UBE4B: variants seen among roughly 807,000 people sequenced by gnomAD.
UBE4B encodes the protein ubiquitin conjugation factor E4 B.
UBE4B carries 27 observed loss-of-function variants against 148.1 expected under a neutral mutation model. The ratio of observed to expected loss-of-function variants is 0.18; its 90% confidence interval spans 0.13 to 0.25. The LOEUF (loss-of-function observed/expected upper bound fraction) is 0.25, where lower values mean the gene tolerates loss of function less well. Among genes scored for constraint, UBE4B ranks in the 10% least tolerant of loss-of-function variants. The pLI is 1.00. For missense variants in UBE4B, 1,170 were observed against 1,662.4 expected, an observed-to-expected ratio of 0.70 and a Z score of 5.15; for synonymous variants, 596 against 619.3, an observed-to-expected ratio of 0.96 and a Z score of 0.56.
Position 10,097,248 on chromosome 1 carries a change from TAC to T in UBE4B, c.347+1654_347+1655del, listed in dbSNP as rs778440955. ...GAAAAATATAAAAGATATTTAGAGA[TAC>T]AGAGGACAGAGTCCTTGGTTTCTCC... On this transcript the variant is annotated intron_variant, in intron 3 of 27. Transcript: ENST00000343090. Among the ~76,000 whole-genome samples, 52 of 151,942 alleles carry T rather than the reference TAC, an allele frequency of 3.4e-4. 1 individual carries two copies. In the East Asian group the frequency reaches 7.1e-3, roughly 21 times the overall value.
chr1:10,149,048 A>G (rs1053189531), intron 19 of UBE4B, 136 bp from the exon 20 acceptor site: 13 of 562,038 alleles, frequency 2.3e-5, no homozygotes, highest in Non-Finnish European at 3.3e-5. Context: ...TTCTTTGCCT[A>G]CATATTTATT....
intron 9 of UBE4B, among the ~76,000 whole-genome samples, chr1:10,120,370 A>G (rs1263463858): frequency 5.3e-5 from 8 of 152,172 alleles, no homozygotes. Context: ...AAAATACAAA[A>G]GACTTAGCTG....
intron 1 of UBE4B, among the ~76,000 whole-genome samples, chr1:10,063,411 T>C (rs1247974990): frequency 6.6e-6 from 1 of 152,224 alleles, no homozygotes; most frequent in Non-Finnish European, 1.5e-5. Flanking sequence ...TAGGGTATTT[T>C]ACCATTCATT....
intron 7 of UBE4B, among the ~76,000 whole-genome samples, chr1:10,114,830 C>T (rs1645280920): frequency 6.6e-6 from 1 of 152,106 alleles, no homozygotes; most frequent in South Asian, 2.1e-4. Context: ...CACCACTGCT[C>T]TCCAACCTGG....
chr1:10,151,119 C>T (rs1473746917), intron 20 of UBE4B, among the ~76,000 whole-genome samples: 21 of 146,254 alleles, frequency 1.4e-4, no homozygotes, highest in Non-Finnish European at 2.6e-4. Flanking sequence ...GCCGAGATCG[C>T]GCCACTGCAC....
At chr1:10,073,878 A>G (rs1035752791) in intron 2 of UBE4B, among the ~76,000 whole-genome samples, 1 of 135,258 alleles carries the variant, frequency 7.4e-6, no homozygotes, top group African/African-American at 2.8e-5. Flanking sequence ...CTCCATGCTC[A>G]CTCTCTCAGC....
intron 2 of UBE4B, among the ~76,000 whole-genome samples, chr1:10,094,537 A>C (rs1490693953): frequency 6.6e-6 from 1 of 150,822 alleles, no homozygotes; most frequent in Non-Finnish European, 1.5e-5. Context: ...GGGTTCAAGC[A>C]ATTCTCCTGC....
chr1:10,063,198 G>A (rs1000567001), intron 1 of UBE4B, among the ~76,000 whole-genome samples: 3 of 152,160 alleles, frequency 2.0e-5, no homozygotes, highest in Non-Finnish European at 2.9e-5. Context: ...AACCCAGGAG[G>A]CAGAGGTTGC....
At chr1:10,144,746 A>G (rs546030485) in intron 17 of UBE4B, among the ~76,000 whole-genome samples, 194 bp from the exon 18 acceptor site, 37 of 146,608 alleles carry the variant, frequency 2.5e-4, no homozygotes, top group South Asian at 2.1e-4. Context: ...AAAAAAAAAA[A>G]AAAGAAAGAA....
chr1:10,042,837 G>T (rs1051556585), intron 1 of UBE4B, among the ~76,000 whole-genome samples: 2 of 152,056 alleles, frequency 1.3e-5, no homozygotes, highest in Non-Finnish European at 2.9e-5. Flanking sequence ...TTCAGGGATG[G>T]CTGGGAGCTT....
chr1:10,074,704 T>C (rs1644548587), intron 2 of UBE4B, among the ~76,000 whole-genome samples: 1 of 152,236 alleles, frequency 6.6e-6, no homozygotes, highest in Non-Finnish European at 1.5e-5. Context: ...TCATGCATTC[T>C]CTGTATCTGT....
intron 1 of UBE4B, among the ~76,000 whole-genome samples, chr1:10,036,555 A>AT (rs1643543118): frequency 6.6e-6 from 1 of 151,436 alleles, no homozygotes; most frequent in Non-Finnish European, 1.5e-5. Context: ...GGATGGTCTC[A>AT]AACTCCTGAC....
chr1:10,096,207 T>G (rs1002126355), intron 3 of UBE4B, among the ~76,000 whole-genome samples: 2 of 152,200 alleles, frequency 1.3e-5, no homozygotes, highest in Non-Finnish European at 2.9e-5. Flanking sequence ...TAGTGAAATT[T>G]AAAAGTTTGG....
Position 10,103,127 on chromosome 1 carries a change from A to G in UBE4B, c.580+35A>G, listed in dbSNP as rs757016765. The G allele has an allele frequency of 3.9e-6, 6 of 1,542,404 alleles. No individual in the cohort carries two copies. In the South Asian group the frequency reaches 7.1e-5, roughly 18 times the overall value. On this transcript the variant is annotated intron_variant, in intron 5 of 27. Transcript: ENST00000343090. ...TAGCTCAGCAGTCTTACTGCAGAGTACTCGACAAGAAAATAAGATGTGAGA... is the reference window on the plus strand; with the variant it reads ...TAGCTCAGCAGTCTTACTGCAGAGTGCTCGACAAGAAAATAAGATGTGAGA...
chr1:10,071,489 G>A (rs772667676), intron 1 of UBE4B, among the ~76,000 whole-genome samples: 4 of 152,104 alleles, frequency 2.6e-5, no homozygotes, highest in African/African-American at 4.8e-5. Flanking sequence ...TTAGGAGGCC[G>A]AGGTGGGAAG....
intron 21 of UBE4B, among the ~76,000 whole-genome samples, chr1:10,156,754 A>G (rs1646078950): frequency 6.6e-6 from 1 of 152,188 alleles, no homozygotes; most frequent in South Asian, 2.1e-4. Context: ...AGGTTACTTA[A>G]TGAATATACA....
intron 1 of UBE4B, among the ~76,000 whole-genome samples, chr1:10,036,727 G>A (rs1324992847): frequency 6.6e-6 from 1 of 152,060 alleles, no homozygotes; most frequent in East Asian, 1.9e-4. Flanking sequence ...CCTTTGTATT[G>A]TTACTCTGTA....
chr1:10,116,549 C>T (rs745903743), intron 7 of UBE4B, among the ~76,000 whole-genome samples: 2 of 152,078 alleles, frequency 1.3e-5, no homozygotes, highest in African/African-American at 2.4e-5. Context: ...GTAATTAATC[C>T]GTATGTGTCT....
rs1396063354 is a variant in UBE4B, at chr1:10,153,885, C to G, written c.2926+2324C>G. On this transcript the variant is annotated intron_variant, in intron 21 of 27. Transcript: ENST00000343090. Reference sequence around the variant, plus strand: ...ATCACCTGAGGTCGGGAGTTCAAAACCAGCCTGACCAACATGGTGAAACCC... The same window carrying G: ...ATCACCTGAGGTCGGGAGTTCAAAAGCAGCCTGACCAACATGGTGAAACCC... Among the ~76,000 whole-genome samples, 4 of 152,114 alleles carry G rather than the reference C, an allele frequency of 2.6e-5. No individual in the cohort carries two copies. In the East Asian group the frequency reaches 7.7e-4, roughly 29 times the overall value.
Sources: allele counts gnomAD v4.1 joint callset (sites outside exome capture counted in the v4.1 genomes callset), GRCh38; gene constraint gnomAD v4.1.1; transcripts MANE v1.5; gene names NCBI Gene and HGNC (gene_info 2026-07-23, HGNC 2026-07-21).